Variants in F13B observed in about 807,000 individuals in gnomAD.
The protein encoded by F13B is TGase.
A neutral mutation model predicts 79.8 loss-of-function variants in F13B; 58 were observed. The observed-to-expected ratio is 0.73, with a 90% CI of 0.59 to 0.90. F13B has a LOEUF of 0.90. Among genes scored for constraint, F13B ranks in the 40% least tolerant of loss-of-function variants. The pLI, the probability that F13B is intolerant of heterozygous loss-of-function variation, is 0.00. For synonymous variants in F13B, 283 were observed against 260.3 expected (o/e 1.09, Z -0.84); for missense variants, 773 against 777.0 (o/e 0.99, Z 0.06).
At chr1:197,054,076 T>C (rs1015657392) in intron 8 of F13B, among the ~76,000 whole-genome samples, 1 of 152,116 alleles carries the variant, frequency 6.6e-6, no homozygotes, top group Non-Finnish European at 1.5e-5. Flanking sequence ...CCAGTTTCAA[T>C]AGTTACCAAG....
chr1:197,054,523 C>A (rs2125065925), intron 8 of F13B, among the ~76,000 whole-genome samples: 1 of 151,550 alleles, frequency 6.6e-6, no homozygotes, highest in South Asian at 2.1e-4. Context: ...CTTAAAAACA[C>A]TATAAATAAA....
At chr1:197,046,061 C>G (rs1655217578) in intron 10 of F13B, among the ~76,000 whole-genome samples, 1 of 152,184 alleles carries the variant, frequency 6.6e-6, no homozygotes, top group Non-Finnish European at 1.5e-5. Context: ...CAATATCTTA[C>G]TGAATGGGCA....
At chr1:197,045,324 G>A (rs1054744010) in intron 10 of F13B, among the ~76,000 whole-genome samples, 10 of 151,822 alleles carry the variant, frequency 6.6e-5, no homozygotes, top group African/African-American at 2.4e-4. Flanking sequence ...TATAATAAAG[G>A]GAATATCACC....
chr1:197,045,852 G>T (rs748134677), intron 10 of F13B, among the ~76,000 whole-genome samples: 3 of 152,182 alleles, frequency 2.0e-5, no homozygotes, highest in Non-Finnish European at 4.4e-5. Flanking sequence ...ATGCAATGCT[G>T]GTTCAACATA....
At chr1:197,041,287 A>T (rs1168726923) in intron 10 of F13B, among the ~76,000 whole-genome samples, 1 of 152,166 alleles carries the variant, frequency 6.6e-6, no homozygotes, top group East Asian at 1.9e-4. Context: ...TCAAGACTGG[A>T]TTAAGACGTT....
chr1:197,040,283 C>T (rs1318603531), intron 11 of F13B: 3 of 460,746 alleles, frequency 6.5e-6, no homozygotes, highest in Non-Finnish European at 1.2e-5. Context: ...TTCCATTTGC[C>T]AAAGTGTCAC....
chr1:197,050,446 T>A (rs1297848159), intron 10 of F13B, among the ~76,000 whole-genome samples: 2 of 152,164 alleles, frequency 1.3e-5, no homozygotes, highest in Non-Finnish European at 2.9e-5. Flanking sequence ...CACTATGGCT[T>A]ATTCAACTTA....
Position 197,052,777 on chromosome 1 carries a change from T to C in F13B, c.1412A>G (p.Lys471Arg). The C allele has an allele frequency of 6.2e-7, 1 of 1,611,028 alleles. No homozygotes were observed. The highest frequency in any genetic ancestry group is 8.5e-7 in the Non-Finnish European group (1 of 1,178,678). The change falls in exon 9 of 12, where the codon AAA (lysine) becomes AGA (arginine). Residue 471 changes from lysine (K) to arginine (R), a missense_variant. Physicochemically the swap from Lys to Arg is conservative, Grantham distance 26 (BLOSUM62 2). Transcript: ENST00000367412. The stretch of plus-strand genomic sequence containing the variant: ...TCCATGTAAGACTTTCCCTTCATAT[T>C]TCCACTTCATTTCTATGTTATTTCT... ...MNRNNIEMKWKYEGKVLHGDL... is the reference protein window; with the variant it reads ...MNRNNIEMKWRYEGKVLHGDL...
At chr1:197,044,129 T>C (rs907321477) in intron 10 of F13B, among the ~76,000 whole-genome samples, 1 of 151,924 alleles carries the variant, frequency 6.6e-6, no homozygotes, top group African/African-American at 2.4e-5. Context: ...TCTAAGGAAC[T>C]CCAGCCTGGG....
intron 7 of F13B, 32 bp from the exon 8 acceptor site, chr1:197,055,929 G>A (rs773826897): frequency 8.3e-6 from 13 of 1,556,930 alleles, no homozygotes; most frequent in Admixed American, 5.0e-5. Context: ...AAATTAATAT[G>A]AGCTCATAAC....
chr1:197,050,677 G>A lies in F13B; in HGVS notation c.1738+20C>T, dbSNP rs1212564729. 1 of 1,605,312 alleles carries A rather than the reference G, an allele frequency of 6.2e-7. No homozygotes were observed. Among genetic ancestry groups the A allele is most frequent in the Non-Finnish European group, 8.5e-7 (1 of 1,172,870 alleles). ...AATATATAGTTTTACTTTGTTAGAG[G>A]CATATTTAGTAGTACATACCTAAAC... is the stretch of plus-strand genomic sequence containing the variant. On this transcript the variant is annotated intron_variant, in intron 10 of 11. Coordinates refer to ENST00000367412, the MANE Select transcript of F13B (RefSeq NM_001994.3).
At chr1:197,053,838 T>A (rs1655537851) in intron 8 of F13B, among the ~76,000 whole-genome samples, 1 of 151,964 alleles carries the variant, frequency 6.6e-6, no homozygotes, top group African/African-American at 2.4e-5. Context: ...TGTCATTTTC[T>A]TATGAAAGAG....
At chr1:197,063,504 G>A (rs2125074737) in intron 1 of F13B, among the ~76,000 whole-genome samples, 1 of 152,114 alleles carries the variant, frequency 6.6e-6, no homozygotes, top group South Asian at 2.1e-4. Context: ...TTTTTGTAGA[G>A]ATGAGGGGTC....
At position 197,060,482 on chromosome 1, in the gene F13B, G is replaced by T. The variant is rs768381600; in HGVS notation, c.689C>A (p.Thr230Asn). The part of the protein sequence containing the change: ...ENGYFHPVKQ[T>N]YEEGDVVQFF... ...CTGAACGACATCTCCTTCTTCATAG[G>T]TTTGCTTTACAGGATGAAAATAACC... Residue 230 changes from threonine (T) to asparagine (N), a missense_variant, in exon 5 of 12, where the codon ACC becomes AAC. Thr to Asn is a moderately conservative substitution (Grantham distance 65). Transcript: ENST00000367412. The T allele has an allele frequency of 1.0e-5, 16 of 1,607,384 alleles. No homozygotes were observed. Among genetic ancestry groups the T allele is most frequent in the African/African-American group, 1.3e-5 (1 of 74,648 alleles).
At chr1:197,060,094 G>A (rs185995396) in intron 5 of F13B, among the ~76,000 whole-genome samples, 11 of 151,830 alleles carry the variant, frequency 7.2e-5, no homozygotes, top group African/African-American at 2.2e-4. Flanking sequence ...AAAGTTATTC[G>A]TTATAATAAG....
intron 5 of F13B, among the ~76,000 whole-genome samples, chr1:197,058,832 C>A (rs963326440): frequency 3.6e-4 from 54 of 151,832 alleles, no homozygotes; most frequent in African/African-American, 1.3e-3. Context: ...TTGTTGTGGG[C>A]TGAATTATAT....
chr1:197,063,206 C>G, intron 1 of F13B, 149 bp from the exon 2 acceptor site: 2 of 666,994 alleles, frequency 3.0e-6, no homozygotes, highest in Non-Finnish European at 5.2e-6. Context: ...ACTTTTGTGA[C>G]AACTCAAGCA....
intron 11 of F13B, 180 bp downstream of exon 11, chr1:197,040,342 C>A: frequency 1.7e-6 from 1 of 572,378 alleles, no homozygotes; most frequent in Non-Finnish European, 3.1e-6. Context: ...TTCAGAAGGC[C>A]TGTTGAATTG....
rs1655489461 is a variant in F13B at position 197,052,653 on chromosome 1, A to T, written c.1536T>A (p.Tyr512Ter). The T allele has an allele frequency of 1.2e-6, 2 of 1,610,726 alleles. No homozygotes were observed. The highest frequency in any genetic ancestry group is 1.7e-6 in the Non-Finnish European group (2 of 1,177,948). Residue 512 changes from tyrosine to a stop codon, truncating the protein, a stop_gained, in exon 9 of 12, where the codon TAT (tyrosine) becomes TAA (stop). Coordinates refer to ENST00000367412, the MANE Select transcript of F13B (RefSeq NM_001994.3). LOFTEE classifies it high-confidence loss of function. ...SVQCNRGEVK[Y>*]PLCTRKESKG... The stretch of plus-strand genomic sequence containing the variant: ...TTTTACCTTTTCTAGTACATAAAGG[A>T]TATTTCACTTCTCCTCTGTTGCACT...
Sources: gnomAD v4.1 joint callset for allele counts (sites outside exome capture counted in the v4.1 genomes callset) on GRCh38, gnomAD v4.1.1 for gene constraint, MANE v1.5 for transcripts, NCBI Gene and HGNC (gene_info 2026-07-23, HGNC 2026-07-21) for gene names.